PKD1L1: variants seen among roughly 807,000 people sequenced by gnomAD.
PKD1L1 encodes polycystin 1 like 1, transient receptor potential channel interacting, also known as polycystin-1-like protein 1.
Under a neutral mutation model 323.4 loss-of-function variants are expected in PKD1L1, and 236 were observed. The ratio of observed to expected loss-of-function variants is 0.73; its 90% CI spans 0.66 to 0.81. The LOEUF is 0.81. Ranked by LOEUF, PKD1L1 falls within the 40% of genes least tolerant of loss-of-function variation. The pLI is 0.00. For synonymous variants in PKD1L1, 1,344 were observed against 1,335.0 expected (o/e 1.01, Z -0.15); for missense variants, 3,320 against 3,508.0 (o/e 0.95, Z 1.35).
chr7:47,859,424 C>T (rs550609186), intron 26 of PKD1L1, among the ~76,000 whole-genome samples: 1 of 152,228 alleles, frequency 6.6e-6, no homozygotes, highest in South Asian at 2.1e-4. Context: ...TTTGGACTGG[C>T]AGAATCCAAT....
chr7:47,932,491 C>T (rs1414424697), intron 4 of PKD1L1, among the ~76,000 whole-genome samples: 1 of 152,226 alleles, frequency 6.6e-6, no homozygotes, highest in Non-Finnish European at 1.5e-5. Context: ...GCAGTCAAAC[C>T]TGGCAGGGAG....
intron 54 of PKD1L1, among the ~76,000 whole-genome samples, chr7:47,797,534 C>T (rs1309131424): frequency 3.3e-5 from 5 of 152,204 alleles, no homozygotes; most frequent in African/African-American, 1.2e-4. Flanking sequence ...CCATGGCAGA[C>T]AGCAAGACCT....
intron 54 of PKD1L1, among the ~76,000 whole-genome samples, chr7:47,797,322 A>C (rs920423490): frequency 2.0e-5 from 3 of 152,236 alleles, no homozygotes; most frequent in Admixed American, 2.0e-4. Context: ...GAGTTCCCCC[A>C]CATGGAAACA....
At chr7:47,854,086 C>T (rs147603272) in intron 30 of PKD1L1, among the ~76,000 whole-genome samples, 172 of 152,342 alleles carry the variant, frequency 1.1e-3, no homozygotes, top group African/African-American at 3.9e-3. Context: ...TCTAAGCAGA[C>T]AGCCACTTTT....
intron 19 of PKD1L1, among the ~76,000 whole-genome samples, chr7:47,884,169 T>C (rs111885466): frequency 0.062 from 6,772 of 108,418 alleles, 379 homozygotes; most frequent in African/African-American, 0.19. Context: ...GTGTGTGTTT[T>C]GGGGGTTGGG....
chr7:47,834,684 A>T (rs571286754), intron 39 of PKD1L1, among the ~76,000 whole-genome samples: 1 of 152,318 alleles, frequency 6.6e-6, no homozygotes, highest in South Asian at 2.1e-4. Context: ...TAGAAAATGG[A>T]TTCACTATCC....
intron 50 of PKD1L1, among the ~76,000 whole-genome samples, chr7:47,810,602 A>G (rs1784873398): frequency 6.6e-6 from 1 of 152,214 alleles, no homozygotes; most frequent in Non-Finnish European, 1.5e-5. Flanking sequence ...GTCACTGAAC[A>G]GTCCCTAGAG....
Position 47,813,297 on chromosome 7 carries a change from C to T in PKD1L1, c.7174-4G>A, listed in dbSNP as rs1784942381. 1.2e-6 allele frequency: 2 copies of T among 1,613,826 alleles called. No homozygotes were observed. Among genetic ancestry groups the T allele is most frequent in the Non-Finnish European group, 1.7e-6 (2 of 1,179,900 alleles). On this transcript the variant is annotated splice_polypyrimidine_tract_variant and splice_region_variant and intron_variant, in intron 48 of 56. Transcript: ENST00000289672. ...GTGCTGAAAATGGCCTGGGAGGCTG[C>T]AGAACAAACCAGCAGTCAGAAGACA...
intron 54 of PKD1L1, among the ~76,000 whole-genome samples, chr7:47,797,696 G>T (rs567389831): frequency 4.1e-4 from 62 of 152,236 alleles, no homozygotes; most frequent in African/African-American, 1.2e-3. Flanking sequence ...CTCCAGCATG[G>T]CCCTCCCTGC....
chr7:47,913,437 T>C (rs892844475), intron 8 of PKD1L1, among the ~76,000 whole-genome samples: 2 of 152,138 alleles, frequency 1.3e-5, no homozygotes, highest in Non-Finnish European at 2.9e-5. Context: ...GTATTGAAGG[T>C]TGGGCCTTCA....
At chr7:47,907,203 C>T (rs183449078) in intron 9 of PKD1L1, among the ~76,000 whole-genome samples, 2 of 152,284 alleles carry the variant, frequency 1.3e-5, no homozygotes, top group Admixed American at 1.3e-4. Flanking sequence ...ACAGGTACAG[C>T]CACTGTGTGG....
At chr7:47,911,696 T>C (rs983859703) in intron 8 of PKD1L1, among the ~76,000 whole-genome samples, 2 of 152,084 alleles carry the variant, frequency 1.3e-5, no homozygotes, top group Non-Finnish European at 2.9e-5. Context: ...GAATACAAAA[T>C]AGACGCAAAA....
rs541146185 is a variant in PKD1L1 at position 47,884,150 on chromosome 7, G to GGT, written c.3265+446_3265+447dup. On this transcript the variant is annotated intron_variant, in intron 19 of 56. Coordinates refer to ENST00000289672, the MANE Select transcript of PKD1L1 (RefSeq NM_138295.5). ...CAGAGGAGGGAATAAATACTGAGCT[G>GGT]GTGTGTGTGTGTGTGTTTTGGGGGT... Among the ~76,000 whole-genome samples, 1,221 of 148,606 alleles carry GGT rather than the reference G, an allele frequency of 8.2e-3. 15 individuals are homozygous for GGT. The highest frequency in any genetic ancestry group is 0.029 in the African/African-American group (1,117 of 39,070).
chr7:47,908,335 G>T lies in PKD1L1; in HGVS notation c.1229-85C>A. Reference sequence around the variant, plus strand: ...ACATTTGTAGAATGGTCAAAATGGGGTGATTAATATGGGAACTGATACAGG... The same window carrying T: ...ACATTTGTAGAATGGTCAAAATGGGTTGATTAATATGGGAACTGATACAGG... On this transcript the variant is annotated intron_variant, in intron 8 of 56. Transcript: ENST00000289672. The T allele has an allele frequency of 3.1e-6, 4 of 1,304,846 alleles. No individual in the cohort carries two copies. The South Asian group carries it at 4.1e-5, about 13-fold the overall frequency. 80.8% of individuals were successfully genotyped at this position (1,304,846 alleles called of 1,614,324 possible).
chr7:47,856,755 A>G (rs570681324), intron 28 of PKD1L1, among the ~76,000 whole-genome samples: 25 of 152,316 alleles, frequency 1.6e-4, no homozygotes, highest in African/African-American at 5.5e-4. Flanking sequence ...TCCTATGCTG[A>G]TTAGCCATTT....
intron 13 of PKD1L1, 111 bp from the exon 14 acceptor site, chr7:47,898,305 T>G (rs1583658269): frequency 2.3e-6 from 2 of 884,348 alleles, no homozygotes; most frequent in African/African-American, 3.4e-5. Flanking sequence ...TTTGTTTGCA[T>G]AGTGACAGAA....
chr7:47,930,573 T>G (rs1787748842), intron 6 of PKD1L1, among the ~76,000 whole-genome samples: 1 of 151,392 alleles, frequency 6.6e-6, no homozygotes, highest in East Asian at 2.0e-4. Flanking sequence ...TCCCAGCACT[T>G]TGGGAGGCCG....
rs746647297 is a variant in PKD1L1, at chr7:47,866,586, T to C, written c.3925A>G (p.Thr1309Ala). Residue 1309 changes from threonine (T) to alanine (A), a missense_variant, in exon 25 of 57, where the codon ACC becomes GCC. Physicochemically the swap from Thr to Ala is moderately conservative, Grantham distance 58. Transcript: ENST00000289672. ...LYNSSLKNLS[T>A]LQLMGSYTEI... ...GTGTAACTCCCCATCAGCTGGAGGG[T>C]AGAAAGGTTTTTCAGGCTGGAATTA... 1 of 1,609,502 alleles carries C rather than the reference T, an allele frequency of 6.2e-7. No individual in the cohort carries two copies. Among genetic ancestry groups the C allele is most frequent in the Non-Finnish European group, 8.5e-7 (1 of 1,177,564 alleles).
At position 47,890,741 on chromosome 7, in the gene PKD1L1, C is replaced by T. The variant is rs778870607; in HGVS notation, c.2476G>A (p.Ala826Thr). 73 of 1,612,474 alleles carry T rather than the reference C, an allele frequency of 4.5e-5. No individual in the cohort carries two copies. The highest frequency in any genetic ancestry group is 1.7e-4 in the Admixed American group (10 of 59,998). The change falls in exon 16 of 57, where the codon GCT (alanine) becomes ACT (threonine). Residue 826 changes from alanine (A) to threonine (T), a missense_variant. Transcript: ENST00000289672. ...TLRYHWECAT[A>T]GSPAHPCFDS... ...AAGCAGGGATGTGCTGGGGAGCCAGCGGTGGCGCATTCCCAGTGATACCTG... is the reference window on the plus strand; with the variant it reads ...AAGCAGGGATGTGCTGGGGAGCCAGTGGTGGCGCATTCCCAGTGATACCTG...
Sources: allele counts gnomAD v4.1 joint callset (sites outside exome capture counted in the v4.1 genomes callset), GRCh38; gene constraint gnomAD v4.1.1; transcripts MANE v1.5; gene names NCBI Gene and HGNC (gene_info 2026-07-23, HGNC 2026-07-21).